FAR1: variants seen among roughly 807,000 people sequenced by gnomAD.
FAR1 encodes the protein male sterility domain-containing protein 2.
FAR1 carries 22 observed loss-of-function variants against 61.1 expected under a neutral mutation model. That is an observed-to-expected ratio of 0.36 (90% CI 0.26 to 0.51). The LOEUF (loss-of-function observed/expected upper bound fraction) is 0.51, where lower values mean the gene tolerates loss of function less well. Ranked by LOEUF, FAR1 falls within the 20% of genes least tolerant of loss-of-function variation. The pLI, the probability that FAR1 is intolerant of heterozygous loss-of-function variation, is 0.95. For synonymous variants in FAR1, 206 were observed against 209.7 expected, an observed-to-expected ratio of 0.98 and a Z score of 0.15; for missense variants, 359 against 626.9, an observed-to-expected ratio of 0.57 and a Z score of 4.56.
At chr11:13,713,948 GT>G (rs889173287) in intron 8 of FAR1, among the ~76,000 whole-genome samples, 1 of 151,860 alleles carries the variant, frequency 6.6e-6, no homozygotes, top group Non-Finnish European at 1.5e-5. Flanking sequence ...GAAATTGAGC[GT>G]TATATTTTAG....
chr11:13,685,987 CTG>C (rs1341971984), intron 1 of FAR1, among the ~76,000 whole-genome samples: 1 of 152,180 alleles, frequency 6.6e-6, no homozygotes, highest in Admixed American at 6.5e-5. Context: ...TTCACTTTCT[CTG>C]AACTTCTCTT....
intron 9 of FAR1, among the ~76,000 whole-genome samples, chr11:13,717,242 G>A (rs1449177858): frequency 6.6e-6 from 1 of 151,938 alleles, no homozygotes; most frequent in Non-Finnish European, 1.5e-5. Flanking sequence ...TCAATTGGCG[G>A]ATGACGCTCT....
intron 3 of FAR1, among the ~76,000 whole-genome samples, chr11:13,701,247 A>ATGTT (rs1213872408): frequency 6.6e-6 from 1 of 152,070 alleles, no homozygotes; most frequent in Non-Finnish European, 1.5e-5. Flanking sequence ...TGTCTTTAAA[A>ATGTT]TGTTTTAAAG....
chr11:13,685,995 C>T (rs907415653), intron 1 of FAR1, among the ~76,000 whole-genome samples: 2 of 152,178 alleles, frequency 1.3e-5, no homozygotes, highest in African/African-American at 4.8e-5. Context: ...CTCTGAACTT[C>T]TCTTCTAGCG....
chr11:13,683,637 C>G (rs528203852), intron 1 of FAR1, among the ~76,000 whole-genome samples: 190 of 152,030 alleles, frequency 1.2e-3, no homozygotes, highest in African/African-American at 4.4e-3. Flanking sequence ...TGCCTGGGCT[C>G]CCAAAGTGCT....
At chr11:13,687,915 C>CAGGAAGGG (rs1425947918) in intron 1 of FAR1, among the ~76,000 whole-genome samples, 1 of 125,710 alleles carries the variant, frequency 8.0e-6, no homozygotes, top group Non-Finnish European at 1.5e-5. Flanking sequence ...CACATGGACA[C>CAGGAAGGG]AGGAAGGGGA....
chr11:13,727,765 G>T (rs1848682440), intron 11 of FAR1, 82 bp downstream of exon 11: 4 of 1,279,540 alleles, frequency 3.1e-6, no homozygotes, highest in Non-Finnish European at 3.2e-6. Context: ...TGGTATATTT[G>T]CTATATCTGT....
chr11:13,701,403 A>G (rs1848372755), intron 3 of FAR1, among the ~76,000 whole-genome samples: 1 of 152,108 alleles, frequency 6.6e-6, no homozygotes, highest in Admixed American at 6.5e-5. Flanking sequence ...ATGTACAGTT[A>G]TGATATGTCA....
intron 4 of FAR1, 72 bp from the exon 5 acceptor site, chr11:13,710,621 A>G (rs1848487646): frequency 8.4e-6 from 11 of 1,302,098 alleles, no homozygotes; most frequent in Non-Finnish European, 1.1e-5. Context: ...GAATGTGCGA[A>G]GTTCAATTAA....
chr11:13,684,324 A>C (rs1227811985), intron 1 of FAR1, among the ~76,000 whole-genome samples: 1 of 152,240 alleles, frequency 6.6e-6, no homozygotes, highest in Non-Finnish European at 1.5e-5. Context: ...TGAGCATCAC[A>C]TTAAAAATTT....
rs145399957 is a variant in FAR1, at chr11:13,728,580, C to G, written c.1386-32C>G. On this transcript the variant is annotated intron_variant, in intron 11 of 11. Coordinates refer to ENST00000354817, the MANE Select transcript of FAR1 (RefSeq NM_032228.6). Reference sequence around the variant, plus strand: ...TAACAATATTTTTTTCTAGAAAATACTGTCTAACATATCTCTTGATTTGCT... The same window carrying G: ...TAACAATATTTTTTTCTAGAAAATAGTGTCTAACATATCTCTTGATTTGCT... 2.4e-5 allele frequency: 38 copies of G among 1,574,050 alleles called. No individual in the cohort carries two copies. The East Asian group carries it at 8.1e-4, about 34-fold the overall frequency.
At chr11:13,728,571 T>C (rs768727620) in intron 11 of FAR1, 41 bp from the exon 12 acceptor site, 1 of 1,555,664 alleles carries the variant, frequency 6.4e-7, no homozygotes. Flanking sequence ...TATTTTTTTC[T>C]AGAAAATACT....
At chr11:13,696,500 G>A (rs1848307566) in intron 2 of FAR1, among the ~76,000 whole-genome samples, 1 of 152,098 alleles carries the variant, frequency 6.6e-6, no homozygotes, top group Admixed American at 6.5e-5. Context: ...TCAGAGCAGT[G>A]CTTCTAAAAT....
At chr11:13,689,258 A>G (rs1473384794) in intron 1 of FAR1, among the ~76,000 whole-genome samples, 1 of 152,206 alleles carries the variant, frequency 6.6e-6, no homozygotes, top group Non-Finnish European at 1.5e-5. Flanking sequence ...CTCCCAGATC[A>G]AGAAATAGAA....
chr11:13,694,961 A>G lies in FAR1; in HGVS notation c.189+7A>G. On this transcript the variant is annotated splice_region_variant and intron_variant, in intron 2 of 11. Transcript: ENST00000354817. ...AGAAGTCCTTAGTGGCAAGGTAAGT[A>G]TGGAAAATGAGCACTCAGAACAAAG... The G allele has an allele frequency of 6.3e-7, 1 of 1,599,652 alleles. No homozygotes were observed. The highest frequency in any genetic ancestry group is 8.5e-7 in the Non-Finnish European group (1 of 1,172,482).
chr11:13,713,649 G>A (rs1565349926), intron 8 of FAR1, among the ~76,000 whole-genome samples: 2 of 151,816 alleles, frequency 1.3e-5, no homozygotes, highest in African/African-American at 4.8e-5. Context: ...AATTTTTTTG[G>A]CATTGATTTA....
intron 4 of FAR1, among the ~76,000 whole-genome samples, chr11:13,709,436 TACTA>T (rs1239708030): frequency 2.6e-5 from 4 of 152,180 alleles, no homozygotes; most frequent in African/African-American, 7.2e-5. Flanking sequence ...CTTTTTCTCT[TACTA>T]ACAATATATA....
chr11:13,678,775 T>A (rs1026142068), intron 1 of FAR1, among the ~76,000 whole-genome samples: 1 of 152,176 alleles, frequency 6.6e-6, no homozygotes, highest in African/African-American at 2.4e-5. Context: ...TATGCTAATA[T>A]ACATCTTTAA....
intron 10 of FAR1, among the ~76,000 whole-genome samples, chr11:13,725,682 T>C (rs1848661337): frequency 1.3e-5 from 2 of 152,164 alleles, no homozygotes; most frequent in Admixed American, 6.5e-5. Context: ...TAGAACTATA[T>C]GGTGTATGTT....
Sources: gnomAD v4.1 joint callset for allele counts (sites outside exome capture counted in the v4.1 genomes callset) on GRCh38, gnomAD v4.1.1 for gene constraint, MANE v1.5 for transcripts, NCBI Gene and HGNC (gene_info 2026-07-23, HGNC 2026-07-21) for gene names.